Variants in MACROD2 observed in about 807,000 individuals in gnomAD.
The protein encoded by MACROD2 is ADP-ribose glycohydrolase MACROD2.
Under a neutral mutation model 70.4 loss-of-function variants are expected in MACROD2, and 36 were observed. That is an observed-to-expected ratio of 0.51 (90% CI 0.39 to 0.68). MACROD2 has a LOEUF of 0.68. MACROD2 is among the 30% of genes least tolerant of loss of function. MACROD2 has a pLI of 0.00. For missense variants in MACROD2, 496 were observed against 538.4 expected (o/e 0.92, Z 0.78); for synonymous variants, 172 against 178.8 (o/e 0.96, Z 0.30).
chr20:15,571,656 G>C (rs2048377303), intron 8 of MACROD2, among the ~76,000 whole-genome samples: 1 of 151,958 alleles, frequency 6.6e-6, no homozygotes, highest in Admixed American at 6.6e-5. Context: ...TGTTTGAGAG[G>C]GCCCCAAATG....
In MACROD2 at chr20:16,050,037, T is replaced by C. The variant is rs542012466; in HGVS notation, c.*161T>C. 3.5e-6 allele frequency: 2 copies of C among 578,416 alleles called. No homozygotes were observed. The highest frequency in any genetic ancestry group is 6.6e-5 in the East Asian group (2 of 30,340). 35.8% of individuals were successfully genotyped at this position (578,416 alleles called of 1,614,324 possible). On this transcript the variant is annotated 3_prime_UTR_variant, in exon 18 of 18. Transcript: ENST00000684519. Reference sequence around the variant, plus strand: ...CCAGCTGCATTTTGTTCCGTTTATCTGCAGAAAAAGAAAGAAAAAAAAGAA... The same window carrying C: ...CCAGCTGCATTTTGTTCCGTTTATCCGCAGAAAAAGAAAGAAAAAAAAGAA...
At chr20:15,748,470 G>C (rs1185027496) in intron 8 of MACROD2, among the ~76,000 whole-genome samples, 1 of 151,458 alleles carries the variant, frequency 6.6e-6, no homozygotes, top group African/African-American at 2.4e-5. Flanking sequence ...CTCGGATTTG[G>C]GGCTTGTGGT....
At chr20:15,709,080 G>A (rs2050583931) in intron 8 of MACROD2, among the ~76,000 whole-genome samples, 1 of 152,048 alleles carries the variant, frequency 6.6e-6, no homozygotes, top group Non-Finnish European at 1.5e-5. Context: ...GAGAGGAGTG[G>A]ATAGGTATTA....
intron 8 of MACROD2, among the ~76,000 whole-genome samples, chr20:15,541,639 CTTAATATA>C (rs1355916217): frequency 6.6e-6 from 1 of 152,142 alleles, no homozygotes; most frequent in Non-Finnish European, 1.5e-5. Flanking sequence ...TGGCCAATTT[CTTAATATA>C]TTAATTTTAA....
chr20:15,973,319 G>T (rs1269194315), intron 13 of MACROD2, among the ~76,000 whole-genome samples: 1 of 152,112 alleles, frequency 6.6e-6, no homozygotes, highest in Non-Finnish European at 1.5e-5. Context: ...AGTGGCAGAG[G>T]TTGTAAAACT....
At chr20:14,780,983 G>C (rs934239306) in intron 5 of MACROD2, among the ~76,000 whole-genome samples, 2 of 152,020 alleles carry the variant, frequency 1.3e-5, no homozygotes, top group African/African-American at 2.4e-5. Context: ...TGTATATATT[G>C]TGGAATGATC....
At chr20:14,091,704 A>G (rs565901237) in intron 3 of MACROD2, among the ~76,000 whole-genome samples, 65 of 152,228 alleles carry the variant, frequency 4.3e-4, no homozygotes, top group Middle Eastern at 3.4e-3. Flanking sequence ...ACTAAATATA[A>G]TGCTCTGAGG....
At chr20:14,350,474 T>C (rs891487604) in intron 3 of MACROD2, among the ~76,000 whole-genome samples, 4 of 152,072 alleles carry the variant, frequency 2.6e-5, no homozygotes, top group African/African-American at 9.7e-5. Flanking sequence ...ATGATATCTC[T>C]TTGTAGTTTT....
At chr20:14,689,465 G>A (rs901719214) in intron 5 of MACROD2, among the ~76,000 whole-genome samples, 6 of 152,106 alleles carry the variant, frequency 3.9e-5, no homozygotes, top group South Asian at 2.1e-4. Flanking sequence ...TGAATAAAAC[G>A]TAACTCTAAT....
At chr20:15,216,612 T>C (rs954172295) in intron 5 of MACROD2, among the ~76,000 whole-genome samples, 1 of 152,172 alleles carries the variant, frequency 6.6e-6, no homozygotes, top group Middle Eastern at 3.2e-3. Context: ...TTTCTTCCCT[T>C]TTCATGTTTT....
At chr20:14,641,719 TC>T (rs1985107675) in intron 4 of MACROD2, among the ~76,000 whole-genome samples, 1 of 152,214 alleles carries the variant, frequency 6.6e-6, no homozygotes, top group Non-Finnish European at 1.5e-5. Context: ...AATCTTTTTT[TC>T]TGAGCAGTAG....
At chr20:14,867,835 T>C (rs1418761200) in intron 5 of MACROD2, among the ~76,000 whole-genome samples, 2 of 152,034 alleles carry the variant, frequency 1.3e-5, no homozygotes. Flanking sequence ...TGGTGTCACC[T>C]CTTTCTCCAA....
intron 5 of MACROD2, among the ~76,000 whole-genome samples, chr20:14,825,066 C>T (rs1239307397): frequency 6.6e-6 from 1 of 152,078 alleles, no homozygotes. Context: ...GCAGGGCCTC[C>T]AGCTGCCTTT....
chr20:14,842,602 A>C (rs755039155), intron 5 of MACROD2, among the ~76,000 whole-genome samples: 6 of 152,138 alleles, frequency 3.9e-5, no homozygotes, highest in Non-Finnish European at 7.4e-5. Flanking sequence ...GAGAACACTG[A>C]TGGATAGCTT....
At chr20:15,033,895 G>A (rs568352160) in intron 5 of MACROD2, among the ~76,000 whole-genome samples, 1 of 152,314 alleles carries the variant, frequency 6.6e-6, no homozygotes, top group African/African-American at 2.4e-5. Flanking sequence ...CAGTTAAAAG[G>A]TGGGTAGGGT....
chr20:14,284,739 A>G (rs893917028), intron 3 of MACROD2, among the ~76,000 whole-genome samples: 4 of 152,136 alleles, frequency 2.6e-5, no homozygotes, highest in African/African-American at 9.7e-5. Flanking sequence ...CTTAAATTCT[A>G]TGAGTGCCCC....
intron 4 of MACROD2, among the ~76,000 whole-genome samples, chr20:14,661,320 CAT>C (rs759970903): frequency 6.6e-6 from 1 of 152,052 alleles, no homozygotes. Context: ...AGCGTTTTTT[CAT>C]ATGTTTGTTT....
At chr20:15,521,926 G>A (rs571955214) in intron 8 of MACROD2, among the ~76,000 whole-genome samples, 12 of 152,298 alleles carry the variant, frequency 7.9e-5, no homozygotes, top group East Asian at 5.8e-4. Context: ...TTTAACTGGC[G>A]TTGTCTTCAG....
chr20:14,262,224 A>G (rs1292373829), intron 3 of MACROD2, among the ~76,000 whole-genome samples: 1 of 152,172 alleles, frequency 6.6e-6, no homozygotes, highest in East Asian at 1.9e-4. Context: ...GTGGGGAGCC[A>G]TTGAAGTACT....
Sources: allele counts gnomAD v4.1 joint callset (sites outside exome capture counted in the v4.1 genomes callset), GRCh38; gene constraint gnomAD v4.1.1; transcripts MANE v1.5; gene names NCBI Gene and HGNC (gene_info 2026-07-23, HGNC 2026-07-21).